Variants in MGAT4C observed in about 807,000 individuals in gnomAD.
MGAT4C encodes MGAT4 family member C.
MGAT4C carries 19 observed loss-of-function variants against 40.1 expected under a neutral mutation model. The ratio of observed to expected loss-of-function variants is 0.47; its 90% CI spans 0.33 to 0.70. MGAT4C has a LOEUF of 0.70. MGAT4C is among the 30% of genes least tolerant of loss of function. MGAT4C has a pLI of 0.02. For missense variants in MGAT4C, 491 were observed against 563.2 expected, an observed-to-expected ratio of 0.87 and a Z score of 1.30; for synonymous variants, 181 against 187.1, an observed-to-expected ratio of 0.97 and a Z score of 0.27.
intron 2 of MGAT4C, among the ~76,000 whole-genome samples, chr12:86,603,658 C>A (rs1382475901): frequency 8.2e-6 from 1 of 122,334 alleles, no homozygotes; most frequent in African/African-American, 3.3e-5. Context: ...ATTATATAGT[C>A]TATATTATAT....
At position 86,789,663 on chromosome 12, in the gene MGAT4C, T is replaced by C. The variant is rs549060242; in HGVS notation, c.-262+49003A>G. Among the ~76,000 whole-genome samples, 7 of 152,230 alleles carry C rather than the reference T, an allele frequency of 4.6e-5. 1 individual carries two copies. In the Middle Eastern group the frequency reaches 0.01, roughly 222 times the overall value. ...CTTGACTGAATTGAATGGTACTCGT[T>C]CCTGTAATAATCGAGATGACATGTG... On this transcript the variant is annotated intron_variant, in intron 1 of 7. Transcript: ENST00000548651.
chr12:86,292,841 T>C (rs967255030), intron 4 of MGAT4C, among the ~76,000 whole-genome samples: 1 of 151,404 alleles, frequency 6.6e-6, no homozygotes, highest in African/African-American at 2.4e-5. Flanking sequence ...AATGACTGTT[T>C]TTTTTTTTTT....
intron 1 of MGAT4C, among the ~76,000 whole-genome samples, chr12:86,053,514 TGGAAAATGACTTTTTGGG>T (rs935952494): frequency 6.6e-6 from 1 of 151,838 alleles, no homozygotes; most frequent in African/African-American, 2.4e-5. Flanking sequence ...AATACTGGTC[TGGAAAATGACTTTTTGGG>T]GGAGATTAAG....
chr12:86,295,388 G>A (rs1953639107), intron 4 of MGAT4C, among the ~76,000 whole-genome samples: 2 of 152,182 alleles, frequency 1.3e-5, no homozygotes, highest in Admixed American at 1.3e-4. Flanking sequence ...GAGTGTTACA[G>A]CTCTTAAGGC....
intron 2 of MGAT4C, among the ~76,000 whole-genome samples, chr12:86,033,536 C>T (rs1890953601): frequency 6.7e-6 from 1 of 149,110 alleles, no homozygotes; most frequent in African/African-American, 2.4e-5. Context: ...AATGGGATTG[C>T]ATTCGTGATT....
At chr12:86,386,603 A>G (rs938505501) in intron 3 of MGAT4C, among the ~76,000 whole-genome samples, 1 of 152,194 alleles carries the variant, frequency 6.6e-6, no homozygotes, top group Non-Finnish European at 1.5e-5. Flanking sequence ...CTTCATTTCA[A>G]TTACATTATT....
chr12:86,727,454 T>C (rs1012454141), intron 1 of MGAT4C, among the ~76,000 whole-genome samples: 1 of 152,076 alleles, frequency 6.6e-6, no homozygotes, highest in Admixed American at 6.6e-5. Context: ...TTTAAAGATG[T>C]TATGATTGGC....
In MGAT4C at chr12:86,451,132, T is replaced by G. The variant is rs144079351; in HGVS notation, c.-228-15867A>C. ...GGAGGTGATTAGATCATGGGGTGGATTTCTCACAAATGGTTTAGCACCATT... is the reference window on the plus strand; with the variant it reads ...GGAGGTGATTAGATCATGGGGTGGAGTTCTCACAAATGGTTTAGCACCATT... On this transcript the variant is annotated intron_variant, in intron 2 of 7. Transcript: ENST00000548651. Among the ~76,000 whole-genome samples, 501 of 152,214 alleles carry G rather than the reference T, an allele frequency of 3.3e-3. 3 individuals are homozygous for G. Among genetic ancestry groups the G allele is most frequent in the African/African-American group, 0.012 (479 of 41,546 alleles).
intron 2 of MGAT4C, among the ~76,000 whole-genome samples, chr12:86,674,752 C>A (rs1964348704): frequency 6.6e-6 from 1 of 152,042 alleles, no homozygotes; most frequent in Admixed American, 6.6e-5. Context: ...GTCTAATCAT[C>A]CAATGCAAGT....
At chr12:86,017,262 C>T (rs1162546262) in intron 2 of MGAT4C, among the ~76,000 whole-genome samples, 1 of 152,094 alleles carries the variant, frequency 6.6e-6, no homozygotes, top group Non-Finnish European at 1.5e-5. Context: ...AGCTATAAGA[C>T]AAACTACCAG....
chr12:86,249,116 T>C (rs78215542), intron 1 of MGAT4C, among the ~76,000 whole-genome samples: 2,658 of 152,272 alleles, frequency 0.017, 74 homozygotes, highest in African/African-American at 0.06. Context: ...GGGGAGTTCC[T>C]TTCCCTGGAT....
chr12:86,446,997 G>T (rs1263116369), intron 2 of MGAT4C, among the ~76,000 whole-genome samples: 11 of 151,990 alleles, frequency 7.2e-5, no homozygotes, highest in Non-Finnish European at 1.6e-4. Context: ...GGAATAGATT[G>T]ATTTAAACAT....
In MGAT4C at chr12:86,431,915, T is replaced by G. The variant is rs550318214; in HGVS notation, c.-120+3242A>C. Among the ~76,000 whole-genome samples the G allele has an allele frequency of 5.3e-5, 8 of 152,088 alleles. No individual in the cohort carries two copies. In the South Asian group the frequency reaches 1.7e-3, roughly 32 times the overall value. On this transcript the variant is annotated intron_variant, in intron 3 of 7. Coordinates refer to the MGAT4C transcript ENST00000548651. ...TAAGATTGCTGATATTTTAAGTAAT[T>G]ATAGAAATAAAGACTATGGAGAGAA...
chr12:86,139,870 G>A (rs946419634), intron 1 of MGAT4C, among the ~76,000 whole-genome samples: 1 of 152,116 alleles, frequency 6.6e-6, no homozygotes, highest in African/African-American at 2.4e-5. Flanking sequence ...TTTGCATTAA[G>A]AGTCATCCAT....
At position 86,356,938 on chromosome 12, in the gene MGAT4C, T is replaced by A. The variant is rs113000003; in HGVS notation, c.-119-22811A>T. 6.6e-3 allele frequency among the ~76,000 whole-genome samples: 1,001 copies of A among 152,290 alleles called. 10 individuals carry two copies. Among genetic ancestry groups the A allele is most frequent in the African/African-American group, 0.023 (956 of 41,574 alleles). On this transcript the variant is annotated intron_variant, in intron 3 of 7. Coordinates refer to the MGAT4C transcript ENST00000548651. ...AAAGGCAGCAGAAACTTCTGCAGAC[T>A]TAAACCTCCCTGTCTGACAGCTCTG...
intron 2 of MGAT4C, among the ~76,000 whole-genome samples, chr12:86,699,075 A>G (rs1429822497): frequency 2.0e-5 from 3 of 152,166 alleles, no homozygotes; most frequent in African/African-American, 7.2e-5. Context: ...AATTCTAATC[A>G]TTCTTCATCA....
At chr12:86,077,280 A>T (rs899832211) in intron 1 of MGAT4C, among the ~76,000 whole-genome samples, 4 of 152,228 alleles carry the variant, frequency 2.6e-5, no homozygotes, top group Non-Finnish European at 4.4e-5. Context: ...TAATAAGTTC[A>T]TAATAATATC....
At chr12:86,048,636 A>G (rs1345373994) in intron 2 of MGAT4C, among the ~76,000 whole-genome samples, 1 of 152,130 alleles carries the variant, frequency 6.6e-6, no homozygotes, top group Non-Finnish European at 1.5e-5. Context: ...GGAAGATATT[A>G]CATTAAAGGA....
intron 2 of MGAT4C, among the ~76,000 whole-genome samples, chr12:86,692,835 T>C (rs1469890257): frequency 2.0e-5 from 3 of 152,152 alleles, no homozygotes; most frequent in Non-Finnish European, 4.4e-5. Context: ...GTTGTCTACC[T>C]GAGACGAGTG....
Sources: allele counts gnomAD v4.1 joint callset (sites outside exome capture counted in the v4.1 genomes callset), GRCh38; gene constraint gnomAD v4.1.1; transcripts MANE v1.5; gene names NCBI Gene and HGNC (gene_info 2026-07-23, HGNC 2026-07-21).